FRMD5: variants seen among roughly 807,000 people sequenced by gnomAD.
FRMD5 encodes the protein FERM domain containing 5.
In FRMD5, 20 loss-of-function variants were observed where a neutral mutation model predicts 69.0. The ratio of observed to expected loss-of-function variants is 0.29; its 90% confidence interval spans 0.20 to 0.42. The LOEUF is 0.42. Ranked by LOEUF, FRMD5 falls within the 10% of genes least tolerant of loss-of-function variation. The pLI is 1.00. For synonymous variants in FRMD5, 271 were observed against 260.1 expected (o/e 1.04, Z -0.40); for missense variants, 595 against 708.6 (o/e 0.84, Z 1.82).
At chr15:43,981,767 A>G (rs564539861) in intron 1 of FRMD5, among the ~76,000 whole-genome samples, 7 of 152,126 alleles carry the variant, frequency 4.6e-5, no homozygotes, top group Admixed American at 1.3e-4. Flanking sequence ...CTTCTTCCTC[A>G]TTGTTTAGCA....
intron 1 of FRMD5, among the ~76,000 whole-genome samples, chr15:44,022,895 A>G (rs1891273588): frequency 1.3e-5 from 2 of 152,202 alleles, no homozygotes; most frequent in Admixed American, 6.5e-5. Flanking sequence ...GATTAATGTT[A>G]CAAAGTTTTG....
At chr15:44,171,573 A>G (rs926458267) in intron 1 of FRMD5, among the ~76,000 whole-genome samples, 5 of 152,006 alleles carry the variant, frequency 3.3e-5, no homozygotes, top group Non-Finnish European at 7.4e-5. Context: ...TTAAGGTACG[A>G]TTTTCCCAAA....
chr15:43,939,558 ATTTATT>A (rs1461469804), intron 1 of FRMD5, among the ~76,000 whole-genome samples: 1 of 150,386 alleles, frequency 6.6e-6, no homozygotes, highest in Non-Finnish European at 1.5e-5. Flanking sequence ...TAATGTATAT[ATTTATT>A]TTTATCTTTT....
intron 1 of FRMD5, among the ~76,000 whole-genome samples, chr15:43,986,811 A>T (rs953438272): frequency 2.0e-5 from 3 of 147,792 alleles, no homozygotes; most frequent in Admixed American, 6.7e-5. Context: ...TTTTTTTTTT[A>T]AATAAATTCA....
At chr15:44,100,435 T>C (rs887251019) in intron 1 of FRMD5, among the ~76,000 whole-genome samples, 2 of 152,196 alleles carry the variant, frequency 1.3e-5, no homozygotes, top group Non-Finnish European at 2.9e-5. Flanking sequence ...TCCACAGCAC[T>C]ATAAATAATT....
chr15:43,988,781 G>A (rs1231974269), intron 1 of FRMD5, among the ~76,000 whole-genome samples: 1 of 152,000 alleles, frequency 6.6e-6, no homozygotes, highest in Non-Finnish European at 1.5e-5. Flanking sequence ...CTTGTAGGAG[G>A]GCAAGGTACT....
chr15:44,087,102 T>G (rs1894227500), intron 1 of FRMD5, among the ~76,000 whole-genome samples: 1 of 152,166 alleles, frequency 6.6e-6, no homozygotes, highest in Admixed American at 6.5e-5. Context: ...CACTGCAACT[T>G]TCGTCTCCCA....
chr15:43,924,466 C>T (rs1243936076), intron 1 of FRMD5, among the ~76,000 whole-genome samples, 157 bp from the exon 2 acceptor site: 1 of 151,992 alleles, frequency 6.6e-6, no homozygotes, highest in Non-Finnish European at 1.5e-5. Context: ...ATACATCACT[C>T]ACTGTCTGGA....
chr15:43,976,446 A>G (rs1050918575), intron 1 of FRMD5, among the ~76,000 whole-genome samples: 2 of 152,246 alleles, frequency 1.3e-5, no homozygotes, highest in Non-Finnish European at 2.9e-5. Flanking sequence ...ATAAAAAAAC[A>G]AGCAACGCAA....
chr15:43,986,287 A>G lies in FRMD5; in HGVS notation c.103-61978T>C, dbSNP rs931948186. The stretch of plus-strand genomic sequence containing the variant: ...CTTCCAATGATGAAACCCAAAAATG[A>G]TAACTGAAAGAGGGAACTGGCTAAC... On this transcript the variant is annotated intron_variant, in intron 1 of 13. Coordinates refer to ENST00000417257, the MANE Select transcript of FRMD5 (RefSeq NM_032892.5). 2.6e-5 allele frequency among the ~76,000 whole-genome samples: 4 copies of G among 152,364 alleles called. No homozygotes were observed. The East Asian group carries it at 5.8e-4, about 22-fold the overall frequency.
At chr15:44,042,318 G>C (rs1025440139) in intron 1 of FRMD5, among the ~76,000 whole-genome samples, 1 of 152,176 alleles carries the variant, frequency 6.6e-6, no homozygotes, top group African/African-American at 2.4e-5. Flanking sequence ...TCCAGGACCA[G>C]ATGGATTCAC....
intron 1 of FRMD5, among the ~76,000 whole-genome samples, chr15:44,035,659 AC>A (rs1216635115): frequency 6.6e-6 from 1 of 152,058 alleles, no homozygotes; most frequent in Non-Finnish European, 1.5e-5. Flanking sequence ...AAATTTGGAG[AC>A]CCTTTTGGAT....
chr15:43,972,888 A>G lies in FRMD5; in HGVS notation c.103-48579T>C, dbSNP rs146279982. Among the ~76,000 whole-genome samples, 3 of 152,314 alleles carry G rather than the reference A, an allele frequency of 2.0e-5. No individual in the cohort carries two copies. In the East Asian group the frequency reaches 5.8e-4, roughly 29 times the overall value. On this transcript the variant is annotated intron_variant, in intron 1 of 13. Coordinates refer to ENST00000417257, the MANE Select transcript of FRMD5 (RefSeq NM_032892.5). ...TCAACTCCACCCAGGCTTCTACATG[A>G]TTGCTTTTCAGATATTTGATACTAT...
intron 13 of FRMD5, among the ~76,000 whole-genome samples, chr15:43,881,988 TTA>T (rs1180997661): frequency 6.6e-6 from 1 of 152,294 alleles, no homozygotes; most frequent in East Asian, 1.9e-4. Flanking sequence ...TTCCACACCA[TTA>T]ATCCCAGGAG....
At chr15:43,990,263 A>G (rs1889611870) in intron 1 of FRMD5, 1 of 349,994 alleles carries the variant, frequency 2.9e-6, no homozygotes, top group Admixed American at 4.0e-5. Context: ...ACACGGTCTC[A>G]GCAGAAACAT....
chr15:44,109,479 ATT>A (rs2076766632), intron 1 of FRMD5, among the ~76,000 whole-genome samples: 2 of 151,456 alleles, frequency 1.3e-5, no homozygotes, highest in Admixed American at 6.6e-5. Flanking sequence ...TAGTTAATAA[ATT>A]TTGTTTTTTT....
At chr15:44,076,106 TAA>T (rs1428929971) in intron 1 of FRMD5, among the ~76,000 whole-genome samples, 1 of 152,142 alleles carries the variant, frequency 6.6e-6, no homozygotes, top group African/African-American at 2.4e-5. Flanking sequence ...TTTCTCCCAT[TAA>T]AAAGTCAGGA....
chr15:43,960,810 A>G lies in FRMD5; in HGVS notation c.103-36501T>C, dbSNP rs141035565. On this transcript the variant is annotated intron_variant, in intron 1 of 13. Coordinates refer to ENST00000417257, the MANE Select transcript of FRMD5 (RefSeq NM_032892.5). ...GCAATAATGAGCAGTAGAAAAACAA[A>G]TGTAATTTAAAATCTGAGTCCCATT... is the stretch of plus-strand genomic sequence containing the variant. Among the ~76,000 whole-genome samples the G allele has an allele frequency of 6.7e-3, 1,018 of 152,368 alleles. 17 individuals are homozygous for G. The highest frequency in any genetic ancestry group is 0.023 in the African/African-American group (967 of 41,590).
chr15:44,195,550 A>G (rs1244640243), upstream of FRMD5, among the ~76,000 whole-genome samples: 1 of 152,220 alleles, frequency 6.6e-6, no homozygotes, highest in African/African-American at 2.4e-5. Flanking sequence ...GTGAGCACCC[A>G]ACTGGATTGA....
Sources: gnomAD v4.1 joint callset for allele counts (sites outside exome capture counted in the v4.1 genomes callset) on GRCh38, gnomAD v4.1.1 for gene constraint, MANE v1.5 for transcripts, NCBI Gene and HGNC (gene_info 2026-07-23, HGNC 2026-07-21) for gene names.